The following PLD5 variants were observed in gnomAD, a reference collection of about 807,000 sequenced individuals.
PLD5 encodes inactive phospholipase D5.
In PLD5, 36 loss-of-function variants were observed where a neutral mutation model predicts 61.1. The observed-to-expected ratio is 0.59, with a 90% CI of 0.45 to 0.78. PLD5 has a LOEUF of 0.78. Among genes scored for constraint, PLD5 ranks in the 30% least tolerant of loss-of-function variants. The pLI is 0.00. For missense variants in PLD5, 515 were observed against 644.4 expected, an observed-to-expected ratio of 0.80 and a Z score of 2.17; for synonymous variants, 243 against 242.8, an observed-to-expected ratio of 1.00 and a Z score of -0.01.
rs1370325825 is a variant in PLD5, at chr1:242,112,339, G to GTGTGTATATATATATATATATATA, written c.1070+1550_1070+1551insTATATATATATATATATATACACA. ...TGTGTGTGTGTATGTATGTATATGTGTATATATATATATAGATGGAGTCTC... is the reference window on the plus strand; with the variant it reads ...TGTGTGTGTGTATGTATGTATATGTGTGTGTATATATATATATATATATATATATATATATATAGATGGAGTCTC... On this transcript the variant is annotated intron_variant, in intron 7 of 9. Coordinates refer to ENST00000536534, the MANE Select transcript of PLD5 (RefSeq NM_001372062.1). Among the ~76,000 whole-genome samples the GTGTGTATATATATATATATATATA allele has an allele frequency of 8.4e-3, 1,211 of 143,328 alleles. 44 individuals carry two copies. Among genetic ancestry groups the GTGTGTATATATATATATATATATA allele is most frequent in the South Asian group, 0.058 (245 of 4,234 alleles). The allele number at this position is 143,328 out of a possible 152,430, so 94.0% of individuals were successfully genotyped here. A position where few individuals can be genotyped will look rare whatever the true frequency, so the allele number is the denominator to read the frequency against.
intron 4 of PLD5, among the ~76,000 whole-genome samples, chr1:242,231,241 C>T (rs1019157070): frequency 6.6e-6 from 1 of 152,102 alleles, no homozygotes; most frequent in African/African-American, 2.4e-5. Context: ...CCTCTTCCTC[C>T]TCCCTGTTGA....
intron 6 of PLD5, among the ~76,000 whole-genome samples, chr1:242,119,366 T>A (rs1389951484): frequency 6.6e-6 from 1 of 152,138 alleles, no homozygotes; most frequent in Admixed American, 6.5e-5. Flanking sequence ...AATCATATAT[T>A]TAAACCAGAC....
intron 1 of PLD5, among the ~76,000 whole-genome samples, chr1:242,402,596 G>C (rs1664002633): frequency 6.6e-6 from 1 of 152,138 alleles, no homozygotes; most frequent in Admixed American, 6.6e-5. Context: ...GGATTTTGTT[G>C]GTACTATTCT....
intron 1 of PLD5, among the ~76,000 whole-genome samples, chr1:242,518,584 CTG>C: frequency 6.6e-6 from 1 of 152,244 alleles, no homozygotes; most frequent in South Asian, 2.1e-4. Flanking sequence ...GAACTAAAAA[CTG>C]TTACTTAAGT....
intron 1 of PLD5, among the ~76,000 whole-genome samples, chr1:242,398,810 T>C (rs1297184238): frequency 6.6e-6 from 1 of 152,190 alleles, no homozygotes; most frequent in African/African-American, 2.4e-5. Flanking sequence ...AACGTCAGAC[T>C]TGAGAGATCT....
chr1:242,114,024 A>C lies in PLD5; in HGVS notation c.936T>G (p.Asn312Lys). The part of the protein sequence containing the change: ...NETKSQAFVS[N>K]SPKLFCPKNR... ...TTTTAGGGCAAAAGAGTTTTGGAGA[A>C]TTCTGTGAAGACACAAAAGCCAAAC... The change falls in exon 7 of 10, where the codon AAT becomes AAG. Residue 312 changes from asparagine (N) to lysine (K), a missense_variant and splice_region_variant. Asn to Lys is a moderately conservative substitution (Grantham distance 94). Coordinates refer to ENST00000536534, the MANE Select transcript of PLD5 (RefSeq NM_001372062.1). 5.0e-6 allele frequency: 8 copies of C among 1,612,302 alleles called. No individual in the cohort carries two copies. Among genetic ancestry groups the C allele is most frequent in the Non-Finnish European group, 6.8e-6 (8 of 1,179,396 alleles).
intron 8 of PLD5, among the ~76,000 whole-genome samples, chr1:242,106,319 C>T (rs1661051675): frequency 6.6e-6 from 1 of 152,178 alleles, no homozygotes; most frequent in African/African-American, 2.4e-5. Flanking sequence ...TCCAGAAATG[C>T]ACATCACTGG....
At chr1:242,529,778 T>TCTTCCTCCCTCCCTTCCTTCCTTCCTTC in the PLD5 span, among the ~76,000 whole-genome samples, 19 of 129,870 alleles carry the variant, frequency 1.5e-4, 1 homozygote, top group African/African-American at 5.7e-4. Flanking sequence ...GGCACTGGGA[T>TCTTCCTCCCTCCCTTCCTTCCTTCCTTC]CTTCCTTCCT....
intron 5 of PLD5, among the ~76,000 whole-genome samples, chr1:242,130,653 G>A (rs1272647804): frequency 6.6e-6 from 1 of 152,034 alleles, no homozygotes; most frequent in Non-Finnish European, 1.5e-5. Context: ...GACTTGCCAA[G>A]GATCAGCCCT....
rs552073556 is a variant in PLD5 at position 242,242,286 on chromosome 1, T to TCC, written c.608-22173_608-22172dup. Among the ~76,000 whole-genome samples, 120 of 152,236 alleles carry TCC rather than the reference T, an allele frequency of 7.9e-4. 3 individuals carry two copies. The South Asian group carries it at 0.011, about 13-fold the overall frequency. On this transcript the variant is annotated intron_variant, in intron 4 of 9. Coordinates refer to ENST00000536534, the MANE Select transcript of PLD5 (RefSeq NM_001372062.1). ...TCATGATATACACCTGCGCCTGCAA[T>TCC]CCAGGGGCAGTGCCCTGGATTCTCC... is the stretch of plus-strand genomic sequence containing the variant.
chr1:242,393,662 GTA>G lies in PLD5; in HGVS notation c.190-45422_190-45421del, dbSNP rs1166456071. ...TGTGTATATATATGAGTATATATGT[GTA>G]TATATATGAGTATATATGTGTATAT... On this transcript the variant is annotated intron_variant, in intron 1 of 9. Coordinates refer to ENST00000536534, the MANE Select transcript of PLD5 (RefSeq NM_001372062.1). Among the ~76,000 whole-genome samples, 17 of 108,138 alleles carry G rather than the reference GTA, an allele frequency of 1.6e-4. 2 individuals are homozygous for G. The highest frequency in any genetic ancestry group is 5.5e-4 in the African/African-American group (15 of 27,352). The allele number at this position is 108,138 out of a possible 152,430, so 70.9% of individuals were successfully genotyped here.
chr1:242,091,200 C>G (rs541514830), intron 9 of PLD5, among the ~76,000 whole-genome samples: 20 of 152,272 alleles, frequency 1.3e-4, no homozygotes, highest in South Asian at 1.0e-3. Flanking sequence ...CTCTAAAGAT[C>G]CTGTCTCTCA....
chr1:242,311,545 T>C (rs1280954005), intron 2 of PLD5, among the ~76,000 whole-genome samples: 1 of 152,192 alleles, frequency 6.6e-6, no homozygotes, highest in Non-Finnish European at 1.5e-5. Context: ...GTCCACCTTT[T>C]CTTAGTTGTT....
intron 1 of PLD5, among the ~76,000 whole-genome samples, chr1:242,460,324 C>A (rs1395522624): frequency 6.6e-6 from 1 of 152,030 alleles, no homozygotes; most frequent in Non-Finnish European, 1.5e-5. Context: ...AGGTGGTGAC[C>A]CCCCTGGACC....
chr1:242,464,176 A>G lies in PLD5; in HGVS notation c.189+59912T>C, dbSNP rs187049040. 4.0e-3 allele frequency among the ~76,000 whole-genome samples: 607 copies of G among 152,166 alleles called. 1 individual carries two copies. The highest frequency in any genetic ancestry group is 0.017 in the Middle Eastern group (5 of 294). ...TCTCTTGTTTTTCTGTCCACTTCACATGTCCCTTCTTTTTGACCCAACCTC... is the reference window on the plus strand; with the variant it reads ...TCTCTTGTTTTTCTGTCCACTTCACGTGTCCCTTCTTTTTGACCCAACCTC... On this transcript the variant is annotated intron_variant, in intron 1 of 9. Coordinates refer to ENST00000536534, the MANE Select transcript of PLD5 (RefSeq NM_001372062.1).
intron 6 of PLD5, among the ~76,000 whole-genome samples, chr1:242,122,258 T>C (rs1662441146): frequency 6.6e-6 from 1 of 152,124 alleles, no homozygotes; most frequent in Non-Finnish European, 1.5e-5. Flanking sequence ...GACCACTCTC[T>C]CTGGGAAATA....
At chr1:242,138,071 C>G (rs1663881916) in intron 5 of PLD5, among the ~76,000 whole-genome samples, 1 of 152,086 alleles carries the variant, frequency 6.6e-6, no homozygotes, top group South Asian at 2.1e-4. Flanking sequence ...GTATAATTAT[C>G]AAATGATAAT....
chr1:242,415,430 C>T (rs1375471908), intron 1 of PLD5, among the ~76,000 whole-genome samples: 3 of 151,994 alleles, frequency 2.0e-5, no homozygotes, highest in Non-Finnish European at 4.4e-5. Context: ...ACCATGCATT[C>T]ATTGGCCTCC....
At chr1:242,431,330 G>C (rs1469875244) in intron 1 of PLD5, among the ~76,000 whole-genome samples, 1 of 152,198 alleles carries the variant, frequency 6.6e-6, no homozygotes. Context: ...CTGTTAAGGT[G>C]CTTGGTCAAC....
Sources: allele counts gnomAD v4.1 joint callset (sites outside exome capture counted in the v4.1 genomes callset), GRCh38; gene constraint gnomAD v4.1.1; transcripts MANE v1.5; gene names NCBI Gene and HGNC (gene_info 2026-07-23, HGNC 2026-07-21).